The following GPR143 variants were observed in gnomAD, a reference collection of about 807,000 sequenced individuals.
GPR143 encodes the protein G-protein coupled receptor 143.
GPR143 carries 8 observed loss-of-function variants against 27.6 expected under a neutral mutation model. The observed-to-expected ratio is 0.29, with a 90% confidence interval of 0.17 to 0.52. The LOEUF is 0.52. Ranked by LOEUF, GPR143 falls within the 20% of genes least tolerant of loss-of-function variation. GPR143 has a pLI of 0.96. For missense variants in GPR143, 303 were observed against 343.1 expected, an observed-to-expected ratio of 0.88 and a Z score of 0.92; for synonymous variants, 156 against 153.2, an observed-to-expected ratio of 1.02 and a Z score of -0.13.
chrX:9,761,452 G>C (rs2083500234), intron 1 of GPR143, among the ~76,000 whole-genome samples: 1 of 112,432 alleles, frequency 8.9e-6, no homozygotes, highest in Admixed American at 9.4e-5. Context: ...GCAAACCATA[G>C]TTGGCCACAG....
intron 5 of GPR143, among the ~76,000 whole-genome samples, chrX:9,744,327 G>A (rs991017110): frequency 1.1e-4 from 12 of 111,364 alleles, no homozygotes; most frequent in African/African-American, 2.3e-4. Context: ...GCAAGACTCC[G>A]TCTCAAAATA....
At chrX:9,733,097 G>A (rs757018883) in intron 8 of GPR143, among the ~76,000 whole-genome samples, 1 of 111,281 alleles carries the variant, frequency 9.0e-6, no homozygotes, top group South Asian at 3.8e-4. Context: ...GGAATCGTGG[G>A]AAAGATGGGG....
chrX:9,771,458 T>C (rs1367548542), intron 1 of GPR143, among the ~76,000 whole-genome samples: 1 of 110,561 alleles, frequency 9.0e-6, no homozygotes, highest in East Asian at 2.9e-4. Flanking sequence ...GTGCAGATCT[T>C]GTGGAAAGGC....
intron 3 of GPR143, among the ~76,000 whole-genome samples, chrX:9,757,327 C>T (rs906434845): frequency 1.8e-5 from 2 of 112,050 alleles, no homozygotes; most frequent in African/African-American, 6.5e-5. Context: ...GACCTAATAA[C>T]TTCCCAAAGG....
chrX:9,739,326 T>C (rs1005243650), intron 8 of GPR143, among the ~76,000 whole-genome samples, 159 bp downstream of exon 8: 4 of 111,756 alleles, frequency 3.6e-5, no homozygotes, highest in Non-Finnish European at 5.6e-5. Flanking sequence ...GTTGTCACAA[T>C]TGGGGAGGTG....
intron 1 of GPR143, among the ~76,000 whole-genome samples, chrX:9,771,707 C>CTT (rs1263459686): frequency 2.5e-4 from 9 of 35,646 alleles, no homozygotes; most frequent in African/African-American, 6.3e-4. Flanking sequence ...GGAGCATTCT[C>CTT]TCTCTTTTTT....
At chrX:9,764,056 C>T (rs1172037304) in intron 1 of GPR143, among the ~76,000 whole-genome samples, 1 of 112,336 alleles carries the variant, frequency 8.9e-6, no homozygotes, top group Non-Finnish European at 1.9e-5. Context: ...AATCCTAACA[C>T]TTTACGATGC....
At chrX:9,765,446 C>A in intron 1 of GPR143, 122 bp downstream of exon 1, 3 of 709,949 alleles carry the variant, frequency 4.2e-6, no homozygotes, top group Non-Finnish European at 5.5e-6. Context: ...CATCACGGAA[C>A]AGGTCCAAAT....
In GPR143 at chrX:9,755,429, A is replaced by C. The variant is rs748739487; in HGVS notation, c.455+3903T>G. Among the ~76,000 whole-genome samples, 128 of 109,531 alleles carry C rather than the reference A, an allele frequency of 1.2e-3. 1 individual carries two copies. The highest frequency in any genetic ancestry group is 4.0e-3 in the African/African-American group (121 of 30,009). On this transcript the variant is annotated intron_variant, in intron 3 of 8. Transcript: ENST00000467482. Reference sequence around the variant, plus strand: ...GTGAAACTCTATCTTTTTCACCCTAAGAGTGAAACTCCATCTCAAAAAAAA... The same window carrying C: ...GTGAAACTCTATCTTTTTCACCCTACGAGTGAAACTCCATCTCAAAAAAAA...
chrX:9,757,493 C>T (rs754180529), intron 3 of GPR143, among the ~76,000 whole-genome samples: 6 of 111,709 alleles, frequency 5.4e-5, no homozygotes, highest in Non-Finnish European at 1.1e-4. Flanking sequence ...AACCCAAACA[C>T]GAAAGGTCAC....
intron 1 of GPR143, 23 bp downstream of exon 1, chrX:9,765,545 C>A: frequency 9.2e-7 from 1 of 1,084,371 alleles, no homozygotes; most frequent in South Asian, 2.3e-5. Context: ...AGATTCCAAC[C>A]CGCGGGCCGC....
intron 8 of GPR143, among the ~76,000 whole-genome samples, chrX:9,737,776 G>A (rs1402989682): frequency 8.9e-6 from 1 of 112,069 alleles, no homozygotes; most frequent in African/African-American, 3.2e-5. Flanking sequence ...TTGGGAGGCC[G>A]ATGCAGGAGG....
intron 5 of GPR143, among the ~76,000 whole-genome samples, 166 bp from the exon 6 acceptor site, chrX:9,743,839 T>C (rs1248785296): frequency 8.9e-6 from 1 of 112,530 alleles, no homozygotes; most frequent in East Asian, 2.8e-4. Flanking sequence ...GGAGTCCTCA[T>C]AGACCCTAAG....
upstream of GPR143, among the ~76,000 whole-genome samples, chrX:9,769,143 C>T (rs780164047): frequency 3.4e-4 from 38 of 111,915 alleles, no homozygotes; most frequent in Non-Finnish European, 6.6e-4. Flanking sequence ...CAGAAACAAT[C>T]GGTCTTTGAG....
At chrX:9,766,292 C>T (rs2083533082), upstream of GPR143, 1 of 112,506 alleles carries the variant, frequency 8.9e-6, no homozygotes, top group African/African-American at 3.2e-5. Flanking sequence ...TGTTCATAAA[C>T]TGTGACTGAT....
upstream of GPR143, among the ~76,000 whole-genome samples, chrX:9,769,892 G>T (rs185072836): frequency 2.6e-3 from 293 of 111,262 alleles, no homozygotes; most frequent in African/African-American, 9.1e-3. Context: ...TAATAAATAA[G>T]ATTTAAATAA....
intron 7 of GPR143, chrX:9,740,753 CTTTTTTTTTT>C (rs374177494): frequency 8.1e-5 from 21 of 258,201 alleles, no homozygotes; most frequent in African/African-American, 5.9e-4. Context: ...TTCTTTCTTT[CTTTTTTTTTT>C]TTTTTTTTGG....
At chrX:9,728,655 A>AAAAAAG (rs1368341730) in intron 8 of GPR143, among the ~76,000 whole-genome samples, 7 of 95,671 alleles carry the variant, frequency 7.3e-5, no homozygotes, top group Non-Finnish European at 1.2e-4. Context: ...AAAAAAAAAA[A>AAAAAAG]AAAAAAAAAA....
rs377290055 is a variant in GPR143, at chrX:9,750,982, A to G, written c.456-2316T>C. Reference sequence around the variant, plus strand: ...GCCAGGTGCTCCTCCCAGCCTCCCCACTTACTCCTCTTACAGCCTCATCCC... The same window carrying G: ...GCCAGGTGCTCCTCCCAGCCTCCCCGCTTACTCCTCTTACAGCCTCATCCC... On this transcript the variant is annotated intron_variant, in intron 3 of 8. Coordinates refer to ENST00000467482, the MANE Select transcript of GPR143 (RefSeq NM_000273.3). Among the ~76,000 whole-genome samples, 3 of 112,294 alleles carry G rather than the reference A, an allele frequency of 2.7e-5. No homozygotes were observed. In the East Asian group the frequency reaches 8.4e-4, roughly 31 times the overall value.
Sources: allele counts gnomAD v4.1 joint callset (sites outside exome capture counted in the v4.1 genomes callset), GRCh38; gene constraint gnomAD v4.1.1; transcripts MANE v1.5; gene names NCBI Gene and HGNC (gene_info 2026-07-23, HGNC 2026-07-21).